Variants in PIK3C2G observed in about 807,000 individuals in gnomAD.
PIK3C2G encodes phosphatidylinositol 3-kinase C2 domain-containing subunit gamma.
Under a neutral mutation model 181.1 loss-of-function variants are expected in PIK3C2G, and 168 were observed. That is an observed-to-expected ratio of 0.93 (90% CI 0.82 to 1.05). PIK3C2G has a LOEUF of 1.05. PIK3C2G is among the 50% of genes least tolerant of loss of function. PIK3C2G has a pLI of 0.00. For missense variants in PIK3C2G, 1,869 were observed against 1,732.8 expected (o/e 1.08, Z -1.40); for synonymous variants, 573 against 592.2 (o/e 0.97, Z 0.47).
At chr12:18,671,208 A>G in the PIK3C2G span, among the ~76,000 whole-genome samples, 1 of 151,478 alleles carries the variant, frequency 6.6e-6, no homozygotes, top group Non-Finnish European at 1.5e-5. Flanking sequence ...AAAAAGAAAG[A>G]AAGAAAAAGA....
intron 18 of PIK3C2G, among the ~76,000 whole-genome samples, chr12:18,458,986 G>C (rs1321745813): frequency 1.3e-5 from 2 of 152,026 alleles, no homozygotes; most frequent in Admixed American, 1.3e-4. Flanking sequence ...TATGAGTCTG[G>C]ACAATACTTG....
chr12:18,703,375 A>G, the PIK3C2G span, among the ~76,000 whole-genome samples: 1 of 152,222 alleles, frequency 6.6e-6, no homozygotes, highest in Non-Finnish European at 1.5e-5. Context: ...ATGTTAAAAG[A>G]AGTAAAATTT....
At chr12:18,344,928 C>A (rs1309029310) in intron 10 of PIK3C2G, among the ~76,000 whole-genome samples, 2 of 152,106 alleles carry the variant, frequency 1.3e-5, no homozygotes, top group African/African-American at 4.8e-5. Flanking sequence ...CATCTCTATG[C>A]AAACTCAAAG....
chr12:18,678,215 G>T, the PIK3C2G span, among the ~76,000 whole-genome samples: 2 of 151,992 alleles, frequency 1.3e-5, no homozygotes, highest in Non-Finnish European at 2.9e-5. Flanking sequence ...GGCTAATACT[G>T]CTGTTAGAAC....
chr12:18,554,583 A>G (rs1343267206), intron 26 of PIK3C2G, among the ~76,000 whole-genome samples: 1 of 152,102 alleles, frequency 6.6e-6, no homozygotes, highest in Non-Finnish European at 1.5e-5. Context: ...GAATTGTTTT[A>G]TCATGTACCC....
At chr12:18,469,503 ACTTGTAAT>A (rs1938242172) in intron 18 of PIK3C2G, among the ~76,000 whole-genome samples, 1 of 152,090 alleles carries the variant, frequency 6.6e-6, no homozygotes, top group South Asian at 2.1e-4. Flanking sequence ...ATTATCCTAT[ACTTGTAAT>A]CATTTTTCAA....
At chr12:18,660,582 T>C in the PIK3C2G span, among the ~76,000 whole-genome samples, 1 of 152,100 alleles carries the variant, frequency 6.6e-6, no homozygotes, top group African/African-American at 2.4e-5. Flanking sequence ...GAGAAAGGTA[T>C]AGACTCAGAA....
chr12:18,543,641 T>C (rs1280871262), intron 25 of PIK3C2G, among the ~76,000 whole-genome samples: 3 of 152,010 alleles, frequency 2.0e-5, no homozygotes, highest in Non-Finnish European at 4.4e-5. Flanking sequence ...ATTTGTTGAA[T>C]AGGGAGTCCT....
the PIK3C2G span, chr12:18,714,989 C>A: frequency 3.5e-3 from 532 of 151,750 alleles, 5 homozygotes; most frequent in African/African-American, 0.012. Flanking sequence ...CCAAATGGGC[C>A]ATATGAGAAA....
intron 18 of PIK3C2G, among the ~76,000 whole-genome samples, chr12:18,484,763 C>T (rs1169510368): frequency 5.3e-5 from 8 of 152,088 alleles, no homozygotes; most frequent in Admixed American, 3.3e-4. Context: ...AAGTTGCTAA[C>T]GCTAAATAGG....
At chr12:18,631,621 C>CT (rs1949355242) in intron 31 of PIK3C2G, among the ~76,000 whole-genome samples, 1 of 152,006 alleles carries the variant, frequency 6.6e-6, no homozygotes, top group African/African-American at 2.4e-5. Context: ...AATTAGAAGA[C>CT]TAAAAAGTAT....
At chr12:18,380,915 A>C (rs1942791075) in intron 13 of PIK3C2G, among the ~76,000 whole-genome samples, 1 of 152,232 alleles carries the variant, frequency 6.6e-6, no homozygotes, top group Admixed American at 6.5e-5. Flanking sequence ...TGGATGCATT[A>C]AAGTTCTTTA....
chr12:18,515,935 T>C (rs893110777), intron 24 of PIK3C2G, among the ~76,000 whole-genome samples: 1 of 152,032 alleles, frequency 6.6e-6, no homozygotes, highest in Non-Finnish European at 1.5e-5. Context: ...CCTCAAGGAA[T>C]TTTTTTAAAT....
intron 29 of PIK3C2G, among the ~76,000 whole-genome samples, chr12:18,580,447 T>G (rs1329650920): frequency 6.6e-6 from 1 of 152,180 alleles, no homozygotes; most frequent in Non-Finnish European, 1.5e-5. Flanking sequence ...CGTGAGCATA[T>G]GTTTCTTGTT....
chr12:18,493,812 GC>G (rs1271094120), intron 20 of PIK3C2G: 1 of 152,212 alleles, frequency 6.6e-6, no homozygotes, highest in African/African-American at 2.4e-5. Flanking sequence ...AAGGCAAAGA[GC>G]AAGGGGCTCA....
the PIK3C2G span, among the ~76,000 whole-genome samples, chr12:18,655,987 A>C: frequency 3.6e-4 from 55 of 152,200 alleles, no homozygotes; most frequent in Admixed American, 9.2e-4. Flanking sequence ...GTAAATTTTA[A>C]TTAAAGTGGA....
intron 5 of PIK3C2G, among the ~76,000 whole-genome samples, chr12:18,297,809 G>A (rs1304811489): frequency 6.6e-6 from 1 of 151,820 alleles, no homozygotes; most frequent in Non-Finnish European, 1.5e-5. Context: ...TTTACTTAAT[G>A]TAATGGCCTC....
At chr12:18,315,150 G>C (rs1219107089) in intron 6 of PIK3C2G, among the ~76,000 whole-genome samples, 1 of 151,828 alleles carries the variant, frequency 6.6e-6, no homozygotes, top group Admixed American at 6.6e-5. Context: ...TTTTTTTCTA[G>C]TATGAAGTGT....
At chr12:18,413,003 A>T (rs1047542044) in intron 16 of PIK3C2G, among the ~76,000 whole-genome samples, 2 of 152,150 alleles carry the variant, frequency 1.3e-5, no homozygotes, top group Non-Finnish European at 2.9e-5. Flanking sequence ...GAAAATAATC[A>T]TGAAGTTGCT....
Sources: allele counts gnomAD v4.1 joint callset (sites outside exome capture counted in the v4.1 genomes callset), GRCh38; gene constraint gnomAD v4.1.1; transcripts MANE v1.5; gene names NCBI Gene and HGNC (gene_info 2026-07-23, HGNC 2026-07-21).